Variants in VSTM5 observed in about 807,000 individuals in gnomAD.
VSTM5 encodes the protein V-set and transmembrane domain containing 5, also known as V-set and transmembrane domain-containing protein 5.
VSTM5 carries 21 observed loss-of-function variants against 20.3 expected under a neutral mutation model. The observed-to-expected ratio is 1.03, with a 90% confidence interval of 0.73 to 1.49. VSTM5 has a LOEUF of 1.49. VSTM5 is among the 40% of genes most tolerant of loss of function. The probability of loss-of-function intolerance (pLI) is 0.00; values close to 1 mark genes in which losing one functional copy is unlikely to be tolerated. For synonymous variants in VSTM5, 100 were observed against 102.5 expected, an observed-to-expected ratio of 0.98 and a Z score of 0.14; for missense variants, 219 against 250.0, an observed-to-expected ratio of 0.88 and a Z score of 0.84.
rs549380569 is a variant in VSTM5 at position 93,820,378 on chromosome 11, C to T, written c.*191G>A. 19 of 618,528 alleles carry T rather than the reference C, an allele frequency of 3.1e-5. No homozygotes were observed. Among genetic ancestry groups the T allele is most frequent in the African/African-American group, 1.1e-4 (6 of 53,942 alleles). 38.3% of individuals were successfully genotyped at this position (618,528 alleles called of 1,614,324 possible). A position where few individuals can be genotyped will look rare whatever the true frequency, so the allele number is the denominator to read the frequency against. On this transcript the variant is annotated 3_prime_UTR_variant, in exon 4 of 4. Coordinates refer to ENST00000409977, the MANE Select transcript of VSTM5 (RefSeq NM_001144871.2). ...ATCACTCTTCTCCTTGAACTTAGCG[C>T]GAGTCCTAATACTAGCTTTGTCCCA...
chr11:93,846,455 T>A (rs1944411264), intron 1 of VSTM5, among the ~76,000 whole-genome samples: 1 of 152,216 alleles, frequency 6.6e-6, no homozygotes, highest in African/African-American at 2.4e-5. Context: ...AGGAAGTGTG[T>A]GTGCAGGGGT....
At chr11:93,831,626 G>A (rs1407430479) in intron 1 of VSTM5, among the ~76,000 whole-genome samples, 1 of 152,176 alleles carries the variant, frequency 6.6e-6, no homozygotes, top group East Asian at 1.9e-4. Flanking sequence ...GCCTTGGGAA[G>A]TCACCCAGAT....
rs1944183431 is a variant in VSTM5, at chr11:93,821,242, G to A, written c.173C>T (p.Ser58Phe). The A allele has an allele frequency of 1.9e-6, 3 of 1,551,920 alleles. 1 individual carries two copies. Among genetic ancestry groups the A allele is most frequent in the Admixed American group, 3.9e-5 (2 of 51,000 alleles). The part of the protein sequence containing the change: ...KEDILLSVEY[S>F]CHGVPTIEWT... Reference sequence around the variant, plus strand: ...TTCGATGGTGGGCACTCCATGACAGGAGTACTCAACTGAGAGCAGGATGTC... The same window carrying A: ...TTCGATGGTGGGCACTCCATGACAGAAGTACTCAACTGAGAGCAGGATGTC... Residue 58 changes from serine to phenylalanine, a missense_variant, in exon 2 of 4, where the codon TCC becomes TTC. Ser to Phe is a radical substitution (Grantham distance 155). Coordinates refer to ENST00000409977, the MANE Select transcript of VSTM5 (RefSeq NM_001144871.2).
At chr11:93,849,097 T>G (rs1214672871) in intron 1 of VSTM5, among the ~76,000 whole-genome samples, 3 of 152,194 alleles carry the variant, frequency 2.0e-5, no homozygotes, top group Non-Finnish European at 4.4e-5. Flanking sequence ...GATCGTTCAG[T>G]CACCTTGTAT....
At chr11:93,842,622 G>A (rs1944379561) in intron 1 of VSTM5, among the ~76,000 whole-genome samples, 1 of 152,242 alleles carries the variant, frequency 6.6e-6, no homozygotes, top group East Asian at 1.9e-4. Flanking sequence ...CTGCAAAGCT[G>A]GGTGGCAAGA....
chr11:93,844,442 C>T (rs685564), intron 1 of VSTM5, among the ~76,000 whole-genome samples: 98,785 of 151,832 alleles, frequency 0.65, 32,769 homozygotes, highest in Non-Finnish European at 0.72. Flanking sequence ...AATATAGGGG[C>T]CTACTGGAGG....
chr11:93,848,564 A>C (rs732359), intron 1 of VSTM5, among the ~76,000 whole-genome samples: 1 of 152,002 alleles, frequency 6.6e-6, no homozygotes, highest in Non-Finnish European at 1.5e-5. Context: ...AGGTATGGGC[A>C]GGTGGGGCTG....
chr11:93,848,355 G>A (rs574800038), intron 1 of VSTM5, among the ~76,000 whole-genome samples: 1 of 152,326 alleles, frequency 6.6e-6, no homozygotes, highest in South Asian at 2.1e-4. Context: ...GCAGGCCCTG[G>A]CTAGCACTGG....
intron 1 of VSTM5, among the ~76,000 whole-genome samples, chr11:93,843,677 A>G (rs892484689): frequency 2.6e-5 from 4 of 152,204 alleles, no homozygotes; most frequent in Non-Finnish European, 5.9e-5. Flanking sequence ...TAAGTTATAA[A>G]AAACTGAGGA....
chr11:93,832,521 A>G (rs1329207529), intron 1 of VSTM5, among the ~76,000 whole-genome samples: 4 of 136,876 alleles, frequency 2.9e-5, no homozygotes, highest in Non-Finnish European at 6.2e-5. Flanking sequence ...CAATAGTAAT[A>G]TTTTAGCAAG....
intron 1 of VSTM5, among the ~76,000 whole-genome samples, chr11:93,836,896 G>A (rs530106543): frequency 2.6e-4 from 39 of 152,072 alleles, no homozygotes; most frequent in African/African-American, 9.2e-4. Flanking sequence ...ATGGGGTACA[G>A]AACCCAGGAC....
At chr11:93,831,543 C>T (rs1030610644) in intron 1 of VSTM5, among the ~76,000 whole-genome samples, 1 of 152,194 alleles carries the variant, frequency 6.6e-6, no homozygotes, top group Non-Finnish European at 1.5e-5. Flanking sequence ...TTCCCCCTCT[C>T]AGTGCCTGAT....
intron 1 of VSTM5, among the ~76,000 whole-genome samples, chr11:93,822,790 G>A (rs939583477): frequency 1.3e-5 from 2 of 152,112 alleles, no homozygotes; most frequent in Non-Finnish European, 2.9e-5. Context: ...TGCCCAGCTC[G>A]TATCTCTACT....
chr11:93,838,804 AT>A (rs1180520855), intron 1 of VSTM5, among the ~76,000 whole-genome samples: 4 of 152,332 alleles, frequency 2.6e-5, no homozygotes, highest in Admixed American at 2.6e-4. Context: ...TCTAAAAAAA[AT>A]AAAATGAATA....
chr11:93,830,471 G>C (rs560960912), intron 1 of VSTM5, among the ~76,000 whole-genome samples: 1 of 152,368 alleles, frequency 6.6e-6, no homozygotes, highest in South Asian at 2.1e-4. Flanking sequence ...TCGTTATAGA[G>C]AGAATTGTTG....
chr11:93,828,609 AG>A (rs1944256948), intron 1 of VSTM5, among the ~76,000 whole-genome samples: 1 of 152,194 alleles, frequency 6.6e-6, no homozygotes, highest in Non-Finnish European at 1.5e-5. Context: ...TTGCCAACAT[AG>A]TCTCTGCATT....
chr11:93,835,912 G>T (rs1274817318), intron 1 of VSTM5, among the ~76,000 whole-genome samples: 2 of 152,154 alleles, frequency 1.3e-5, no homozygotes, highest in Admixed American at 1.3e-4. Context: ...TTTGGACTGT[G>T]TGCAAATACT....
intron 1 of VSTM5, among the ~76,000 whole-genome samples, chr11:93,846,941 A>G (rs1405942937): frequency 1.3e-5 from 2 of 151,588 alleles, no homozygotes; most frequent in East Asian, 1.9e-4. Flanking sequence ...TAATTTTTGT[A>G]TTTTTAGTAG....
intron 1 of VSTM5, among the ~76,000 whole-genome samples, chr11:93,822,804 T>TGGCTATCTATCAATCACG (rs1180390897): frequency 2.6e-5 from 4 of 152,360 alleles, no homozygotes; most frequent in African/African-American, 9.6e-5. Flanking sequence ...CTCTACTTTG[T>TGGCTATCTATCAATCACG]GGCTATCTAT....
Sources: allele counts gnomAD v4.1 joint callset (sites outside exome capture counted in the v4.1 genomes callset), GRCh38; gene constraint gnomAD v4.1.1; transcripts MANE v1.5; gene names NCBI Gene and HGNC (gene_info 2026-07-23, HGNC 2026-07-21).